Variants in PCM1 observed in about 807,000 individuals in gnomAD.
PCM1 encodes pericentriolar material 1 protein.
Under a neutral mutation model 241.9 loss-of-function variants are expected in PCM1, and 157 were observed. The observed-to-expected ratio is 0.65, with a 90% CI of 0.57 to 0.74. PCM1 has a LOEUF of 0.74. Among genes scored for constraint, PCM1 ranks in the 30% least tolerant of loss-of-function variants. PCM1 has a pLI of 0.00. For synonymous variants in PCM1, 1,085 were observed against 784.9 expected, an observed-to-expected ratio of 1.38 and a Z score of -6.39; for missense variants, 3,478 against 2,360.1, an observed-to-expected ratio of 1.47 and a Z score of -9.81.
At position 18,028,977 on chromosome 8, in the gene PCM1, C is replaced by T. The variant is rs543549647; in HGVS notation, c.*1315C>T. 3.9e-5 allele frequency: 7 copies of T among 177,822 alleles called. No homozygotes were observed. In the South Asian group the frequency reaches 1.2e-3, roughly 30 times the overall value. The allele number at this position is 177,822 out of a possible 1,614,324, so 11.0% of individuals were successfully genotyped here. The stretch of plus-strand genomic sequence containing the variant: ...CCATCCTGCCCAACATGGGGGAAAC[C>T]CCGTCTCTACTAAAAATAAAAAAAT... On this transcript the variant is annotated 3_prime_UTR_variant, in exon 39 of 39. Transcript: ENST00000325083.
chr8:18,014,457 T>G (rs1419519413), intron 35 of PCM1, 127 bp from the exon 36 acceptor site: 1 of 673,690 alleles, frequency 1.5e-6, no homozygotes, highest in Non-Finnish European at 2.2e-6. Flanking sequence ...AAATTTGTAG[T>G]TGCCTTTTCT....
intron 29 of PCM1, among the ~76,000 whole-genome samples, chr8:17,994,188 C>G (rs1223786106): frequency 6.6e-6 from 1 of 152,144 alleles, no homozygotes; most frequent in Admixed American, 6.6e-5. Flanking sequence ...TCCCTACTAC[C>G]TTTCATAGCC....
At chr8:17,925,462 C>T (rs993979400) in intron 2 of PCM1, 2 of 152,018 alleles carry the variant, frequency 1.3e-5, no homozygotes, top group African/African-American at 4.8e-5. Flanking sequence ...GAAATAATTG[C>T]TCTTCAGAAA....
chr8:17,952,507 A>G (rs756684450), intron 8 of PCM1, among the ~76,000 whole-genome samples: 3 of 152,200 alleles, frequency 2.0e-5, no homozygotes, highest in Non-Finnish European at 2.9e-5. Flanking sequence ...ACATCCATGG[A>G]TTCAACCAAC....
intron 36 of PCM1, among the ~76,000 whole-genome samples, chr8:18,023,442 G>T (rs1588785842): frequency 1.3e-5 from 2 of 152,142 alleles, no homozygotes. Flanking sequence ...TTGAAAAAAA[G>T]TTTTAATGAT....
At chr8:17,968,778 A>G (rs1386350259) in intron 21 of PCM1, among the ~76,000 whole-genome samples, 1 of 147,622 alleles carries the variant, frequency 6.8e-6, no homozygotes. Context: ...ATATATATAT[A>G]CACACCACAG....
chr8:18,025,417 T>C lies in PCM1; in HGVS notation c.5898T>C (p.Val1966=). ...CTGATGAAGAAGATTTTGTAAAAGT[T>C]GAAGATTTACCACTGAAACTGACAA... ...QKSDEEDFVK[V]EDLPLKLTIY... is the part of the protein sequence containing the mutation. Residue 1966 remains valine, a synonymous_variant, in exon 37 of 39, where the codon GTT becomes GTC. Transcript: ENST00000325083. 3 of 1,605,010 alleles carry C rather than the reference T, an allele frequency of 1.9e-6. No homozygotes were observed. The highest frequency in any genetic ancestry group is 8.5e-7 in the Non-Finnish European group (1 of 1,173,804).
In PCM1 at chr8:17,947,806, C is replaced by T. The variant is rs576711034; in HGVS notation, c.961+443C>T. ...CTTTAACCTTCAAGGTTAGTAGTAG[C>T]TAGTAGCTGTTATTTTAATTAGGTA... On this transcript the variant is annotated intron_variant, in intron 7 of 38. Coordinates refer to ENST00000325083, the MANE Select transcript of PCM1 (RefSeq NM_006197.4). 8.5e-5 allele frequency among the ~76,000 whole-genome samples: 13 copies of T among 152,260 alleles called. No homozygotes were observed. The East Asian group carries it at 2.5e-3, about 29-fold the overall frequency.
intron 38 of PCM1, among the ~76,000 whole-genome samples, chr8:18,027,118 TG>T (rs2129490595): frequency 6.6e-6 from 1 of 152,348 alleles, no homozygotes; most frequent in South Asian, 2.1e-4. Flanking sequence ...TCATTGTTTT[TG>T]TTTTTCCTGG....
At chr8:18,001,066 T>C (rs542128613) in intron 29 of PCM1, among the ~76,000 whole-genome samples, 2 of 152,168 alleles carry the variant, frequency 1.3e-5, no homozygotes, top group South Asian at 2.1e-4. Context: ...GGCATTTGAT[T>C]TGAGAATAGA....
intron 26 of PCM1, among the ~76,000 whole-genome samples, chr8:17,988,765 A>G (rs1352739559): frequency 6.6e-6 from 1 of 151,956 alleles, no homozygotes; most frequent in Non-Finnish European, 1.5e-5. Context: ...GCCACAGAAA[A>G]TACCACTTCA....
chr8:17,967,592 G>T (rs1399967365), intron 21 of PCM1, among the ~76,000 whole-genome samples: 5 of 152,218 alleles, frequency 3.3e-5, no homozygotes, highest in Non-Finnish European at 2.9e-5. Flanking sequence ...ACAGGCATGA[G>T]CCACCGTGCC....
intron 29 of PCM1, among the ~76,000 whole-genome samples, chr8:18,005,779 A>G (rs565898760): frequency 6.6e-5 from 10 of 152,114 alleles, no homozygotes; most frequent in Admixed American, 5.9e-4. Flanking sequence ...ACTGGCATCT[A>G]GTGGGTAGAG....
intron 2 of PCM1, among the ~76,000 whole-genome samples, chr8:17,929,005 C>T (rs1225850625): frequency 6.6e-6 from 1 of 152,078 alleles, no homozygotes; most frequent in Admixed American, 6.5e-5. Context: ...TTCCTTATGA[C>T]CGTCTGTGCT....
At chr8:18,019,424 T>G (rs1214240535) in intron 36 of PCM1, among the ~76,000 whole-genome samples, 2 of 152,168 alleles carry the variant, frequency 1.3e-5, no homozygotes, top group Non-Finnish European at 2.9e-5. Context: ...TTGAAATGCA[T>G]TACATTTTTG....
At chr8:17,973,591 G>C (rs2077598753) in intron 23 of PCM1, among the ~76,000 whole-genome samples, 1 of 151,920 alleles carries the variant, frequency 6.6e-6, no homozygotes, top group Non-Finnish European at 1.5e-5. Flanking sequence ...TGGTGGGCGT[G>C]CCTGTAATCC....
chr8:17,965,874 C>G, intron 18 of PCM1, 125 bp from the exon 19 acceptor site: 2 of 627,694 alleles, frequency 3.2e-6, no homozygotes, highest in Non-Finnish European at 5.5e-6. Flanking sequence ...TTTTTTAATA[C>G]TTTGTATGTT....
intron 6 of PCM1, chr8:17,940,294 T>C: frequency 3.6e-6 from 2 of 548,990 alleles, no homozygotes; most frequent in East Asian, 5.6e-5. Flanking sequence ...TTGTTAATGC[T>C]GTATGTGTTC....
In PCM1 at chr8:18,027,818, AT is replaced by A; in HGVS notation, c.*157del. On this transcript the variant is annotated 3_prime_UTR_variant, in exon 39 of 39. Transcript: ENST00000325083. ...ATTTCTCCCCATGGTAGTTTAAAAC[AT>A]CAGAAACTGAATTCTGGACAGATTT... 2 of 448,236 alleles carry A rather than the reference AT, an allele frequency of 4.5e-6. No individual in the cohort carries two copies. The highest frequency in any genetic ancestry group is 7.9e-6 in the Non-Finnish European group (2 of 253,976). 27.8% of individuals were successfully genotyped at this position (448,236 alleles called of 1,614,324 possible).
Sources: gnomAD v4.1 joint callset for allele counts (sites outside exome capture counted in the v4.1 genomes callset) on GRCh38, gnomAD v4.1.1 for gene constraint, MANE v1.5 for transcripts, NCBI Gene and HGNC (gene_info 2026-07-23, HGNC 2026-07-21) for gene names.